The following KLHL13 variants were observed in gnomAD, a reference collection of about 807,000 sequenced individuals.
KLHL13 encodes kelch like family member 13, also known as kelch-like protein 13.
In KLHL13, 10 loss-of-function variants were observed where a neutral mutation model predicts 37.1. The ratio of observed to expected loss-of-function variants is 0.27; its 90% CI spans 0.17 to 0.46. KLHL13 has a LOEUF of 0.46. Among genes scored for constraint, KLHL13 ranks in the 20% least tolerant of loss-of-function variants. KLHL13 has a pLI of 1.00. For synonymous variants in KLHL13, 163 were observed against 181.2 expected (o/e 0.90, Z 0.81); for missense variants, 360 against 509.3 (o/e 0.71, Z 2.82).
chrX:118,081,489 T>A (rs1198630124), intron 1 of KLHL13, among the ~76,000 whole-genome samples: 2 of 111,490 alleles, frequency 1.8e-5, no homozygotes, highest in East Asian at 5.6e-4. Flanking sequence ...TTGGACATAT[T>A]TTTGGGGTGC....
chrX:118,000,882 C>A (rs772449032), intron 1 of KLHL13, among the ~76,000 whole-genome samples: 2 of 111,835 alleles, frequency 1.8e-5, no homozygotes, highest in Non-Finnish European at 3.8e-5. Flanking sequence ...ATAGGATATA[C>A]AGACTGCTAC....
intron 1 of KLHL13, among the ~76,000 whole-genome samples, chrX:117,949,618 C>T (rs972752342): frequency 4.5e-5 from 5 of 112,057 alleles, no homozygotes; most frequent in Non-Finnish European, 7.5e-5. Flanking sequence ...AATCTCCATA[C>T]CTAAATAAAT....
At chrX:117,948,961 G>GA (rs761009348) in intron 1 of KLHL13, among the ~76,000 whole-genome samples, 1 of 111,612 alleles carries the variant, frequency 9.0e-6, no homozygotes, top group African/African-American at 3.3e-5. Context: ...AAGACAAAAG[G>GA]AAAAAAAGCC....
chrX:117,982,424 T>C (rs901341698), intron 1 of KLHL13, among the ~76,000 whole-genome samples: 1 of 111,359 alleles, frequency 9.0e-6, no homozygotes, highest in African/African-American at 3.3e-5. Flanking sequence ...ATGCTTCAGA[T>C]GTACATCCAG....
intron 4 of KLHL13, among the ~76,000 whole-genome samples, chrX:117,913,766 C>T (rs1193302340): frequency 9.2e-6 from 1 of 108,961 alleles, no homozygotes; most frequent in Admixed American, 9.8e-5. Context: ...TCACTTGAAC[C>T]CGGGAGGCGG....
chrX:118,104,032 G>A (rs770372121), intron 1 of KLHL13, among the ~76,000 whole-genome samples: 11 of 86,185 alleles, frequency 1.3e-4, no homozygotes, highest in African/African-American at 4.8e-4. Flanking sequence ...GCAACATACC[G>A]AGGCCTCATT....
Position 117,928,765 on chromosome X carries a change from C to T in KLHL13, c.241-8395G>A, listed in dbSNP as rs1307253122. ...GAAACACCTCCTATGAAAGATGTTT[C>T]CTTCTTAAAAAACTAGAAATAGAAG... On this transcript the variant is annotated intron_variant, in intron 2 of 6. Transcript: ENST00000262820. Among the ~76,000 whole-genome samples, 5 of 111,461 alleles carry T rather than the reference C, an allele frequency of 4.5e-5. No individual in the cohort carries two copies. The Admixed American group carries it at 4.8e-4, about 11-fold the overall frequency.
intron 1 of KLHL13, among the ~76,000 whole-genome samples, chrX:118,087,399 A>C (rs892769686): frequency 1.8e-5 from 2 of 109,497 alleles, no homozygotes; most frequent in African/African-American, 6.6e-5. Flanking sequence ...ATATATATAT[A>C]TATACACATA....
chrX:117,987,065 C>A (rs1199893470), intron 1 of KLHL13, among the ~76,000 whole-genome samples: 1 of 111,399 alleles, frequency 9.0e-6, no homozygotes, highest in Non-Finnish European at 1.9e-5. Flanking sequence ...CTGTGTTGGG[C>A]AGCAACTCTA....
intron 1 of KLHL13, among the ~76,000 whole-genome samples, chrX:118,043,861 T>C (rs931067701): frequency 2.7e-5 from 3 of 111,711 alleles, no homozygotes. Context: ...TTCACCATTG[T>C]TATTCAACAT....
chrX:117,930,281 G>GAAGA (rs1556301073), intron 2 of KLHL13, among the ~76,000 whole-genome samples: 2 of 100,043 alleles, frequency 2.0e-5, no homozygotes, highest in East Asian at 6.1e-4. Flanking sequence ...AGGAAGGAAG[G>GAAGA]AAGGAAGGAA....
chrX:117,901,449 C>A (rs1184673192), intron 6 of KLHL13, among the ~76,000 whole-genome samples: 1 of 110,517 alleles, frequency 9.0e-6, no homozygotes, highest in East Asian at 2.8e-4. Flanking sequence ...TATGCAAATA[C>A]ACACAAAAAT....
intron 2 of KLHL13, among the ~76,000 whole-genome samples, chrX:117,930,920 T>C (rs1244815994): frequency 8.9e-6 from 1 of 112,374 alleles, no homozygotes; most frequent in Non-Finnish European, 1.9e-5. Context: ...CTGTTTCTTA[T>C]GTTAACAACG....
At chrX:117,985,902 C>G (rs1471358595) in intron 1 of KLHL13, among the ~76,000 whole-genome samples, 1 of 110,862 alleles carries the variant, frequency 9.0e-6, no homozygotes, top group African/African-American at 3.3e-5. Flanking sequence ...TAACTCATCT[C>G]CCTGCATTGC....
intron 1 of KLHL13, chrX:117,947,043 T>C (rs1040546346): frequency 1.8e-5 from 2 of 112,126 alleles, no homozygotes; most frequent in African/African-American, 6.5e-5. Context: ...ACTTAAGATT[T>C]TAAAAAGCAT....
intron 1 of KLHL13, among the ~76,000 whole-genome samples, chrX:118,102,329 T>C (rs1426616456): frequency 1.8e-5 from 2 of 112,003 alleles, no homozygotes; most frequent in Non-Finnish European, 1.9e-5. Context: ...TATTTTTGCT[T>C]GTCCATGCAG....
At chrX:117,973,848 G>T, upstream of KLHL13, 1 of 340,780 alleles carries the variant, frequency 2.9e-6, no homozygotes, top group Non-Finnish European at 3.2e-6. Flanking sequence ...TCCCTCCCCC[G>T]CAGACAGCTC....
chrX:118,008,793 G>A (rs769799588), intron 1 of KLHL13, among the ~76,000 whole-genome samples: 1 of 111,506 alleles, frequency 9.0e-6, no homozygotes, highest in African/African-American at 3.3e-5. Context: ...CTTATTTACT[G>A]TGTGGCCTTA....
rs182048952 is a variant in KLHL13 at position 117,918,559 on chromosome X, G to A, written c.570+962C>T. 1.3e-3 allele frequency among the ~76,000 whole-genome samples: 139 copies of A among 111,162 alleles called. 1 individual carries two copies. Among genetic ancestry groups the A allele is most frequent in the African/African-American group, 4.1e-3 (126 of 30,642 alleles). On this transcript the variant is annotated intron_variant, in intron 4 of 6. Transcript: ENST00000262820. ...TCTTAATCAGAAAAACAAGCTCCAAGACCTCTGGAAGTCTTGGCAATATTT... is the reference window on the plus strand; with the variant it reads ...TCTTAATCAGAAAAACAAGCTCCAAAACCTCTGGAAGTCTTGGCAATATTT...
Sources: allele counts gnomAD v4.1 joint callset (sites outside exome capture counted in the v4.1 genomes callset), GRCh38; gene constraint gnomAD v4.1.1; transcripts MANE v1.5; gene names NCBI Gene and HGNC (gene_info 2026-07-23, HGNC 2026-07-21).